The following BBX variants were observed in gnomAD, a reference collection of about 807,000 sequenced individuals.
BBX encodes the protein BBX high mobility group box domain containing, also known as HMG box transcription factor BBX.
A neutral mutation model predicts 100.2 loss-of-function variants in BBX; 30 were observed. The ratio of observed to expected loss-of-function variants is 0.30; its 90% confidence interval spans 0.22 to 0.41. BBX has a LOEUF of 0.41. Among genes scored for constraint, BBX ranks in the 10% least tolerant of loss-of-function variants. The pLI is 1.00. For missense variants in BBX, 1,023 were observed against 1,129.8 expected (o/e 0.91, Z 1.35); for synonymous variants, 376 against 388.1 (o/e 0.97, Z 0.37).
intron 3 of BBX, among the ~76,000 whole-genome samples, chr3:107,696,636 T>C (rs2060625186): frequency 6.6e-6 from 1 of 151,912 alleles, no homozygotes; most frequent in South Asian, 2.1e-4. Flanking sequence ...TAACATTTTT[T>C]CCTTCATTTC....
chr3:107,569,544 C>T lies in BBX; in HGVS notation c.-84+43146C>T, dbSNP rs561691578. On this transcript the variant is annotated intron_variant, in intron 2 of 17. Transcript: ENST00000325805. ...AGTGGAAAATTACTGGGGAAAAGGG[C>T]GGCAATGAGATGTGGCTATAGCCTA... 3.9e-5 allele frequency among the ~76,000 whole-genome samples: 6 copies of T among 151,994 alleles called. No individual in the cohort carries two copies. In the South Asian group the frequency reaches 8.3e-4, roughly 21 times the overall value.
chr3:107,615,921 G>A (rs921808665), intron 2 of BBX, among the ~76,000 whole-genome samples: 2 of 146,398 alleles, frequency 1.4e-5, no homozygotes, highest in African/African-American at 5.0e-5. Context: ...AGCTCTATTT[G>A]GTAACCTTGG....
chr3:107,764,152 C>A (rs1026048256), intron 10 of BBX, among the ~76,000 whole-genome samples: 1 of 152,132 alleles, frequency 6.6e-6, no homozygotes, highest in African/African-American at 2.4e-5. Context: ...GCCACCATGC[C>A]CAGCTAATTT....
intron 2 of BBX, among the ~76,000 whole-genome samples, chr3:107,557,002 T>G (rs1034982408): frequency 6.6e-6 from 1 of 152,212 alleles, no homozygotes; most frequent in African/African-American, 2.4e-5. Context: ...AAGGTATACC[T>G]TCTTTTGATT....
chr3:107,758,402 A>T (rs2065649114), intron 10 of BBX, among the ~76,000 whole-genome samples: 1 of 152,194 alleles, frequency 6.6e-6, no homozygotes, highest in South Asian at 2.1e-4. Context: ...GGTCAAGTGG[A>T]TAAATAGAAA....
At chr3:107,778,667 T>C in intron 13 of BBX, 148 bp downstream of exon 13, 1 of 902,072 alleles carries the variant, frequency 1.1e-6, no homozygotes, top group Non-Finnish European at 1.7e-6. Flanking sequence ...AAGATTATCT[T>C]TGTCCCTTTT....
At position 107,584,200 on chromosome 3, in the gene BBX, ATAT is replaced by A. The variant is rs1293144877; in HGVS notation, c.-84+57809_-84+57811del. 8.3e-5 allele frequency among the ~76,000 whole-genome samples: 5 copies of A among 60,366 alleles called. 1 individual carries two copies. Among genetic ancestry groups the A allele is most frequent in the East Asian group, 6.3e-4 (2 of 3,164 alleles). The allele number at this position is 60,366 out of a possible 152,430, so 39.6% of individuals were successfully genotyped here. A position where few individuals can be genotyped will look rare whatever the true frequency, so the allele number is the denominator to read the frequency against. ...ATATTATATATAATATATGATATAT[ATAT>A]TATTATATATATTATATATAATATG... is the stretch of plus-strand genomic sequence containing the variant. On this transcript the variant is annotated intron_variant, in intron 2 of 17. Transcript: ENST00000325805.
chr3:107,563,800 A>G lies in BBX; in HGVS notation c.-84+37402A>G, dbSNP rs911095930. ...GCCCTTTATATCCAGTGCTTATTAC[A>G]GGGCCTGACATGTATTAAACACTCA... On this transcript the variant is annotated intron_variant, in intron 2 of 17. Coordinates refer to ENST00000325805, the MANE Select transcript of BBX (RefSeq NM_001142568.3). 7.9e-5 allele frequency among the ~76,000 whole-genome samples: 12 copies of G among 152,348 alleles called. No homozygotes were observed. The South Asian group carries it at 1.2e-3, about 16-fold the overall frequency.
intron 2 of BBX, among the ~76,000 whole-genome samples, chr3:107,527,000 A>G (rs1377272589): frequency 6.6e-6 from 1 of 152,240 alleles, no homozygotes; most frequent in Non-Finnish European, 1.5e-5. Context: ...ACAATTCGGT[A>G]GCCTGTAAAT....
At chr3:107,716,942 C>T (rs1053398161) in intron 5 of BBX, 93 bp downstream of exon 5, 47 of 1,430,300 alleles carry the variant, frequency 3.3e-5, no homozygotes, top group Non-Finnish European at 3.8e-6. Flanking sequence ...GAAGGTCTAG[C>T]AATGAGAAGG....
At chr3:107,568,366 G>A (rs1186566311) in intron 2 of BBX, among the ~76,000 whole-genome samples, 1 of 149,928 alleles carries the variant, frequency 6.7e-6, no homozygotes, top group African/African-American at 2.5e-5. Context: ...CCAGATTCAC[G>A]CCATTCTCCT....
intron 3 of BBX, among the ~76,000 whole-genome samples, chr3:107,654,276 A>T (rs1450942079): frequency 6.6e-6 from 1 of 152,202 alleles, no homozygotes; most frequent in East Asian, 1.9e-4. Context: ...TCCTGTTAAA[A>T]TGCTGGGTGT....
chr3:107,748,573 C>T (rs148683189), intron 9 of BBX, among the ~76,000 whole-genome samples: 463 of 152,244 alleles, frequency 3.0e-3, no homozygotes, highest in Non-Finnish European at 5.7e-3. Context: ...CTTGGTTTGT[C>T]AGCCGAAGAG....
chr3:107,645,444 G>A (rs780466432), intron 2 of BBX, among the ~76,000 whole-genome samples: 2 of 152,094 alleles, frequency 1.3e-5, no homozygotes, highest in African/African-American at 2.4e-5. Context: ...CTAGTTGAGT[G>A]GGGCCAGTCA....
intron 7 of BBX, among the ~76,000 whole-genome samples, chr3:107,741,320 C>T (rs1446865463): frequency 6.6e-6 from 1 of 151,994 alleles, no homozygotes; most frequent in East Asian, 1.9e-4. Flanking sequence ...TGAATTGCTC[C>T]TGTGAAAAAA....
chr3:107,660,118 G>C (rs749664058), intron 3 of BBX, among the ~76,000 whole-genome samples: 3 of 151,994 alleles, frequency 2.0e-5, no homozygotes, highest in Non-Finnish European at 2.9e-5. Flanking sequence ...ATAATTAGTA[G>C]AAAATTGTTC....
chr3:107,761,592 A>G (rs368130153), intron 10 of BBX, among the ~76,000 whole-genome samples: 4 of 152,180 alleles, frequency 2.6e-5, no homozygotes, highest in African/African-American at 7.2e-5. Context: ...TGACTCCAAC[A>G]CTGAACCTGA....
intron 3 of BBX, among the ~76,000 whole-genome samples, chr3:107,694,826 G>C (rs1239781550): frequency 6.6e-6 from 1 of 151,688 alleles, no homozygotes; most frequent in Non-Finnish European, 1.5e-5. Context: ...ATCTGGTCCT[G>C]GACTCTTTTT....
At chr3:107,692,694 A>T (rs202166959) in intron 3 of BBX, among the ~76,000 whole-genome samples, 1 of 145,710 alleles carries the variant, frequency 6.9e-6, no homozygotes, top group Non-Finnish European at 1.5e-5. Flanking sequence ...ATGATTTATA[A>T]TCCTTTGGGT....
Sources: gnomAD v4.1 joint callset for allele counts (sites outside exome capture counted in the v4.1 genomes callset) on GRCh38, gnomAD v4.1.1 for gene constraint, MANE v1.5 for transcripts, NCBI Gene and HGNC (gene_info 2026-07-23, HGNC 2026-07-21) for gene names.